TTLL11: variants seen among roughly 807,000 people sequenced by gnomAD.
TTLL11 encodes tubulin polyglutamylase TTLL11.
TTLL11 carries 42 observed loss-of-function variants against 51.7 expected under a neutral mutation model. The ratio of observed to expected loss-of-function variants is 0.81; its 90% confidence interval spans 0.64 to 1.05. TTLL11 has a LOEUF of 1.05. Ranked by LOEUF, TTLL11 falls within the 50% of genes least tolerant of loss-of-function variation. The pLI is 0.00. For synonymous variants in TTLL11, 381 were observed against 383.5 expected (o/e 0.99, Z 0.08); for missense variants, 799 against 940.4 (o/e 0.85, Z 1.97).
chr9:121,950,091 G>A (rs576940466), intron 6 of TTLL11, among the ~76,000 whole-genome samples: 27 of 152,060 alleles, frequency 1.8e-4, no homozygotes, highest in Admixed American at 2.6e-4. Context: ...CTTGCATCAG[G>A]TCACGTTCTT....
chr9:121,966,339 C>T lies in TTLL11; in HGVS notation c.1481+7670G>A, dbSNP rs921450756. ...ATCATGATATCAATAAAACCCCCTCCGATTTCTCCAAGCCTGTCTCTGTCT... is the reference window on the plus strand; with the variant it reads ...ATCATGATATCAATAAAACCCCCTCTGATTTCTCCAAGCCTGTCTCTGTCT... On this transcript the variant is annotated intron_variant, in intron 6 of 8. Coordinates refer to ENST00000321582, the MANE Select transcript of TTLL11 (RefSeq NM_001139442.2). Among the ~76,000 whole-genome samples, 9 of 152,152 alleles carry T rather than the reference C, an allele frequency of 5.9e-5. No homozygotes were observed. In the East Asian group the frequency reaches 7.7e-4, roughly 13 times the overall value.
At chr9:121,981,315 T>C (rs886604611) in intron 4 of TTLL11, among the ~76,000 whole-genome samples, 15 of 152,160 alleles carry the variant, frequency 9.9e-5, no homozygotes, top group Non-Finnish European at 1.3e-4. Context: ...ACTGATGATT[T>C]CTTCTTCAGT....
chr9:121,926,440 C>T (rs1336647184), intron 6 of TTLL11, among the ~76,000 whole-genome samples: 1 of 152,250 alleles, frequency 6.6e-6, no homozygotes, highest in Admixed American at 6.5e-5. Context: ...GAGTCATTCA[C>T]ATTCATTAAT....
chr9:122,028,533 G>T (rs928779944), intron 3 of TTLL11, among the ~76,000 whole-genome samples: 2 of 152,152 alleles, frequency 1.3e-5, no homozygotes, highest in African/African-American at 4.8e-5. Context: ...CAAAATGCAT[G>T]AGGAAAACAC....
intron 6 of TTLL11, among the ~76,000 whole-genome samples, chr9:121,951,755 G>A (rs564773319): frequency 2.6e-5 from 4 of 152,336 alleles, no homozygotes; most frequent in Middle Eastern, 3.4e-3. Context: ...AAGTGAAAGC[G>A]AGTTTATTAA....
intron 8 of TTLL11, among the ~76,000 whole-genome samples, chr9:121,851,454 T>C (rs1837661409): frequency 6.6e-6 from 1 of 152,224 alleles, no homozygotes; most frequent in South Asian, 2.1e-4. Context: ...ATCTGCTCAA[T>C]TTTTTCTGTA....
At chr9:121,877,190 G>A (rs373242854) in intron 6 of TTLL11, among the ~76,000 whole-genome samples, 3 of 152,252 alleles carry the variant, frequency 2.0e-5, no homozygotes, top group African/African-American at 7.2e-5. Flanking sequence ...GATTCCAAAC[G>A]CACATGTATC....
intron 3 of TTLL11, among the ~76,000 whole-genome samples, chr9:122,030,860 G>A (rs1844520382): frequency 6.6e-6 from 1 of 151,170 alleles, no homozygotes; most frequent in Admixed American, 6.6e-5. Context: ...AGAATGGCTT[G>A]AACCCAGGAG....
chr9:121,948,044 A>G (rs527890512), intron 6 of TTLL11, among the ~76,000 whole-genome samples: 48 of 152,222 alleles, frequency 3.2e-4, no homozygotes, highest in Non-Finnish European at 6.0e-4. Context: ...CAGACCTGGC[A>G]CTAGAATTGA....
chr9:122,054,215 G>T (rs769530998), intron 1 of TTLL11, among the ~76,000 whole-genome samples: 1 of 151,838 alleles, frequency 6.6e-6, no homozygotes, highest in Non-Finnish European at 1.5e-5. Context: ...CCCATCGTCC[G>T]CCTTGCTTCC....
intron 7 of TTLL11, among the ~76,000 whole-genome samples, chr9:121,867,787 G>A (rs548726316): frequency 2.0e-5 from 3 of 152,120 alleles, no homozygotes; most frequent in South Asian, 4.2e-4. Context: ...ATGAGCTACC[G>A]CCCTGTGACT....
At position 121,962,554 on chromosome 9, in the gene TTLL11, T is replaced by C. The variant is rs73551459; in HGVS notation, c.1481+11455A>G. ...AACTATTAGGTTAAACCATATGACA[T>C]TGCCATTCTTGTATTCCAGAAGTTG... On this transcript the variant is annotated intron_variant, in intron 6 of 8. Transcript: ENST00000321582. Among the ~76,000 whole-genome samples the C allele has an allele frequency of 7.6e-3, 1,157 of 152,346 alleles. 9 individuals carry two copies. Among genetic ancestry groups the C allele is most frequent in the Middle Eastern group, 0.027 (8 of 294 alleles).
chr9:121,936,630 G>A (rs181159061), intron 6 of TTLL11, among the ~76,000 whole-genome samples: 69 of 152,232 alleles, frequency 4.5e-4, no homozygotes, highest in African/African-American at 1.6e-3. Flanking sequence ...TAACTGGAAG[G>A]TCCTTTCCTT....
chr9:121,895,973 T>C (rs1279226152), intron 6 of TTLL11, among the ~76,000 whole-genome samples: 3 of 73,154 alleles, frequency 4.1e-5, no homozygotes, highest in Non-Finnish European at 9.0e-5. Context: ...GGTGTGGGTG[T>C]GTGTCTGTGG....
chr9:122,054,476 C>A (rs1004098028), intron 1 of TTLL11, among the ~76,000 whole-genome samples: 1 of 152,134 alleles, frequency 6.6e-6, no homozygotes, highest in Non-Finnish European at 1.5e-5. Context: ...AAGCGATTTA[C>A]CTCTTGGCTT....
chr9:121,861,319 C>T (rs578091402), intron 7 of TTLL11, among the ~76,000 whole-genome samples: 33 of 152,216 alleles, frequency 2.2e-4, no homozygotes, highest in African/African-American at 7.0e-4. Flanking sequence ...TCAGGTGATC[C>T]GCCCGCCTCG....
intron 6 of TTLL11, among the ~76,000 whole-genome samples, chr9:121,971,508 G>A (rs1252116698): frequency 1.4e-4 from 19 of 133,238 alleles, no homozygotes; most frequent in East Asian, 4.2e-4. Context: ...GCCTCTGCCC[G>A]GCCGCCCCTA....
chr9:121,960,919 C>T (rs1439282584), intron 6 of TTLL11, among the ~76,000 whole-genome samples: 1 of 152,088 alleles, frequency 6.6e-6, no homozygotes, highest in Non-Finnish European at 1.5e-5. Context: ...CAAATTCCTC[C>T]CTCTCCCACC....
intron 3 of TTLL11, among the ~76,000 whole-genome samples, chr9:122,026,547 G>A (rs1279141795): frequency 1.3e-5 from 2 of 151,844 alleles, no homozygotes; most frequent in Non-Finnish European, 2.9e-5. Context: ...ATGATTTCAC[G>A]GATTTTTACA....
Sources: allele counts gnomAD v4.1 joint callset (sites outside exome capture counted in the v4.1 genomes callset), GRCh38; gene constraint gnomAD v4.1.1; transcripts MANE v1.5; gene names NCBI Gene and HGNC (gene_info 2026-07-23, HGNC 2026-07-21).